Variants in RORA observed in about 807,000 individuals in gnomAD.
The protein encoded by RORA is RAR related orphan receptor A, also known as nuclear receptor ROR-alpha.
Under a neutral mutation model 69.5 loss-of-function variants are expected in RORA, and 7 were observed. The ratio of observed to expected loss-of-function variants is 0.10; its 90% CI spans 0.06 to 0.19. The LOEUF (loss-of-function observed/expected upper bound fraction) is 0.19. RORA is among the 10% of genes least tolerant of loss of function. RORA has a pLI of 1.00. For missense variants in RORA, 457 were observed against 663.0 expected, an observed-to-expected ratio of 0.69 and a Z score of 3.41; for synonymous variants, 261 against 240.8, an observed-to-expected ratio of 1.08 and a Z score of -0.78.
At chr15:60,735,829 T>A (rs1332719675) in intron 1 of RORA, among the ~76,000 whole-genome samples, 1 of 152,166 alleles carries the variant, frequency 6.6e-6, no homozygotes, top group Non-Finnish European at 1.5e-5. Context: ...CACTTCCATT[T>A]GGGATGAAAT....
intron 1 of RORA, among the ~76,000 whole-genome samples, chr15:61,154,894 G>A (rs544436515): frequency 2.6e-5 from 4 of 152,292 alleles, no homozygotes; most frequent in East Asian, 3.9e-4. Flanking sequence ...TCTGCCTCTC[G>A]CATTGTGAAA....
At chr15:60,687,111 A>G (rs935911295) in intron 1 of RORA, among the ~76,000 whole-genome samples, 2 of 152,320 alleles carry the variant, frequency 1.3e-5, no homozygotes, top group African/African-American at 2.4e-5. Context: ...TGAATCACCT[A>G]GAGAAGAGAG....
intron 1 of RORA, among the ~76,000 whole-genome samples, chr15:60,749,391 T>G (rs1290825925): frequency 6.6e-6 from 1 of 152,218 alleles, no homozygotes; most frequent in Non-Finnish European, 1.5e-5. Flanking sequence ...TAATGGGATT[T>G]CTGTAAATGC....
chr15:60,672,879 T>C (rs2070496120), intron 2 of RORA, among the ~76,000 whole-genome samples: 1 of 152,242 alleles, frequency 6.6e-6, no homozygotes, highest in Non-Finnish European at 1.5e-5. Context: ...CTGCCATTAT[T>C]ACTGTCAATA....
At chr15:60,921,188 C>G (rs1193883369) in intron 1 of RORA, among the ~76,000 whole-genome samples, 1 of 152,178 alleles carries the variant, frequency 6.6e-6, no homozygotes, top group Non-Finnish European at 1.5e-5. Flanking sequence ...CAGGATATAT[C>G]CAACAGAAAT....
chr15:60,516,590 A>G (rs888380212), intron 3 of RORA, among the ~76,000 whole-genome samples: 2 of 152,068 alleles, frequency 1.3e-5, no homozygotes, highest in Non-Finnish European at 2.9e-5. Context: ...GTAAAATCCT[A>G]AAGAATTAAC....
chr15:60,748,147 A>G (rs2071674301), intron 1 of RORA, among the ~76,000 whole-genome samples: 1 of 152,164 alleles, frequency 6.6e-6, no homozygotes, highest in Non-Finnish European at 1.5e-5. Flanking sequence ...AGATGAAAAG[A>G]TTTGCTTTTA....
intron 1 of RORA, among the ~76,000 whole-genome samples, chr15:60,891,641 AG>A (rs759437218): frequency 6.6e-6 from 1 of 152,208 alleles, no homozygotes; most frequent in African/African-American, 2.4e-5. Context: ...GCACCTCCAA[AG>A]CCTGTCCTCC....
intron 1 of RORA, among the ~76,000 whole-genome samples, chr15:60,742,885 T>C (rs1277777984): frequency 1.3e-5 from 2 of 152,174 alleles, no homozygotes; most frequent in African/African-American, 4.8e-5. Context: ...CTTTCTCCAG[T>C]CATTATTTGA....
chr15:60,814,364 C>T (rs1049632683), intron 1 of RORA, among the ~76,000 whole-genome samples: 2 of 152,222 alleles, frequency 1.3e-5, no homozygotes, highest in East Asian at 1.9e-4. Flanking sequence ...GTGGGAGAGG[C>T]GAAGGGGATC....
chr15:60,779,994 T>C (rs577406527), intron 1 of RORA, among the ~76,000 whole-genome samples: 2 of 152,334 alleles, frequency 1.3e-5, no homozygotes, highest in Admixed American at 1.3e-4. Flanking sequence ...TCAGCAAATC[T>C]TTATACATCT....
At chr15:60,612,565 C>T (rs1260033778) in intron 2 of RORA, among the ~76,000 whole-genome samples, 2 of 151,846 alleles carry the variant, frequency 1.3e-5, no homozygotes, top group Non-Finnish European at 2.9e-5. Flanking sequence ...AGCAGACTGG[C>T]ATTCTCTGCA....
chr15:60,845,266 G>A (rs2140407831), intron 1 of RORA, among the ~76,000 whole-genome samples: 1 of 152,266 alleles, frequency 6.6e-6, no homozygotes, highest in Middle Eastern at 3.4e-3. Flanking sequence ...TGATTTATCG[G>A]TGTGTGTCCC....
chr15:60,569,358 G>C (rs1429699950), intron 2 of RORA, among the ~76,000 whole-genome samples: 1 of 151,586 alleles, frequency 6.6e-6, no homozygotes, highest in South Asian at 2.1e-4. Context: ...GAGCCTAGGA[G>C]TTCCAGGTTA....
intron 1 of RORA, among the ~76,000 whole-genome samples, chr15:60,708,308 C>G (rs1227465651): frequency 1.3e-5 from 2 of 151,734 alleles, no homozygotes; most frequent in Non-Finnish European, 1.5e-5. Flanking sequence ...TGTAGTCCCA[C>G]CTACTTGGGA....
At chr15:61,077,567 G>A (rs926441590) in intron 1 of RORA, among the ~76,000 whole-genome samples, 4 of 152,126 alleles carry the variant, frequency 2.6e-5, no homozygotes, top group Non-Finnish European at 5.9e-5. Context: ...TGGCTACAGG[G>A]AACAGAAAAC....
At chr15:60,917,159 C>T (rs1399677814) in intron 1 of RORA, among the ~76,000 whole-genome samples, 3 of 152,170 alleles carry the variant, frequency 2.0e-5, no homozygotes, top group African/African-American at 7.2e-5. Flanking sequence ...CACCTACCCG[C>T]CTCCCCAAAC....
chr15:60,615,044 A>T, intron 2 of RORA: 1 of 1,608,452 alleles, frequency 6.2e-7, no homozygotes, highest in Non-Finnish European at 8.5e-7. Flanking sequence ...GGGAAAACAG[A>T]ACAGCGTCAA....
intron 1 of RORA, among the ~76,000 whole-genome samples, chr15:60,912,669 G>T (rs1891764566): frequency 6.6e-6 from 1 of 152,096 alleles, no homozygotes; most frequent in African/African-American, 2.4e-5. Context: ...CAGGAGAATG[G>T]CAGGAACCCG....
Sources: gnomAD v4.1 joint callset for allele counts (sites outside exome capture counted in the v4.1 genomes callset) on GRCh38, gnomAD v4.1.1 for gene constraint, MANE v1.5 for transcripts, NCBI Gene and HGNC (gene_info 2026-07-23, HGNC 2026-07-21) for gene names.